RIMS2: variants seen among roughly 807,000 people sequenced by gnomAD.
The protein encoded by RIMS2 is regulating synaptic membrane exocytosis protein 2.
Under a neutral mutation model 174.4 loss-of-function variants are expected in RIMS2, and 59 were observed. The observed-to-expected ratio is 0.34, with a 90% confidence interval of 0.27 to 0.42. The LOEUF (loss-of-function observed/expected upper bound fraction) is 0.42, where lower values mean the gene tolerates loss of function less well. RIMS2 is among the 10% of genes least tolerant of loss of function. The pLI is 1.00. For missense variants in RIMS2, 1,620 were observed against 1,666.3 expected, an observed-to-expected ratio of 0.97 and a Z score of 0.48; for synonymous variants, 606 against 572.5, an observed-to-expected ratio of 1.06 and a Z score of -0.84.
chr8:103,642,880 T>C (rs1362025639), intron 1 of RIMS2, among the ~76,000 whole-genome samples: 1 of 152,068 alleles, frequency 6.6e-6, no homozygotes, highest in East Asian at 1.9e-4. Context: ...TAGTATATTC[T>C]TATTTGAAAC....
intron 19 of RIMS2, among the ~76,000 whole-genome samples, chr8:104,131,780 A>C (rs2132999125): frequency 6.6e-6 from 1 of 152,286 alleles, no homozygotes; most frequent in Non-Finnish European, 1.5e-5. Flanking sequence ...ATGGCAACTA[A>C]ATCTGACCAA....
intron 3 of RIMS2, among the ~76,000 whole-genome samples, chr8:103,881,453 T>A (rs1401860945): frequency 6.6e-6 from 1 of 151,512 alleles, no homozygotes; most frequent in African/African-American, 2.4e-5. Context: ...AAAAACATGA[T>A]GAATTAATTT....
chr8:104,208,829 G>A (rs1352413252), intron 19 of RIMS2, among the ~76,000 whole-genome samples: 4 of 152,148 alleles, frequency 2.6e-5, no homozygotes, highest in Admixed American at 6.5e-5. Context: ...GAGCCACCAC[G>A]CCCAGCCTGA....
intron 2 of RIMS2, among the ~76,000 whole-genome samples, chr8:103,719,301 T>G (rs1034676869): frequency 2.0e-5 from 3 of 152,180 alleles, no homozygotes; most frequent in African/African-American, 7.2e-5. Flanking sequence ...CCAAATTTGT[T>G]TCTGTCACCG....
At chr8:103,606,972 CTT>C (rs922463013) in intron 1 of RIMS2, among the ~76,000 whole-genome samples, 136 of 152,066 alleles carry the variant, frequency 8.9e-4, no homozygotes, top group African/African-American at 3.1e-3. Context: ...CAGTCTGTGT[CTT>C]TTAATTGGAG....
chr8:103,783,225 C>G (rs2098408024), intron 3 of RIMS2, among the ~76,000 whole-genome samples: 1 of 151,824 alleles, frequency 6.6e-6, no homozygotes, highest in South Asian at 2.1e-4. Flanking sequence ...TGTTCCCTAC[C>G]AGGTGGCCTT....
At chr8:104,248,891 T>TC in intron 21 of RIMS2, 78 bp downstream of exon 27, 1 of 626,516 alleles carries the variant, frequency 1.6e-6, no homozygotes, top group Non-Finnish European at 2.8e-6. Context: ...TCATAGAATC[T>TC]TCTCTCTCTC....
intron 19 of RIMS2, among the ~76,000 whole-genome samples, chr8:104,161,267 G>T (rs1049048899): frequency 6.6e-6 from 1 of 152,150 alleles, no homozygotes; most frequent in South Asian, 2.1e-4. Context: ...GAACCTTGAA[G>T]TATGGATAAT....
rs146624119 is a variant in RIMS2 at position 103,514,806 on chromosome 8, G to T, written c.176+13744G>T. Among the ~76,000 whole-genome samples the T allele has an allele frequency of 6.4e-3, 973 of 152,024 alleles. 10 individuals are homozygous for T. Among genetic ancestry groups the T allele is most frequent in the African/African-American group, 0.022 (903 of 41,460 alleles). The stretch of plus-strand genomic sequence containing the variant: ...CCAGCTACTTGGAAGGCTGAGGCAG[G>T]ATAATTGCTTGAACCCGGGAGGTGG... On this transcript the variant is annotated intron_variant, in intron 1 of 23. Transcript: ENST00000504942.
At chr8:104,069,245 A>C (rs2154561407) in intron 19 of RIMS2, among the ~76,000 whole-genome samples, 1 of 152,320 alleles carries the variant, frequency 6.6e-6, no homozygotes, top group South Asian at 2.1e-4. Context: ...GGCTAAGCTA[A>C]GCTGTGATGT....
chr8:104,211,008 G>A (rs949985598), intron 19 of RIMS2, among the ~76,000 whole-genome samples: 3 of 152,128 alleles, frequency 2.0e-5, no homozygotes, highest in Non-Finnish European at 2.9e-5. Flanking sequence ...TGGACATTGT[G>A]CTACTTCAGC....
intron 9 of RIMS2, among the ~76,000 whole-genome samples, chr8:103,919,568 T>C (rs537459646): frequency 1.3e-5 from 2 of 151,936 alleles, no homozygotes; most frequent in South Asian, 4.2e-4. Flanking sequence ...GTGAGAAGGC[T>C]AATCTAGTGG....
Position 104,022,006 on chromosome 8 carries a change from C to T in RIMS2, c.3334+7391C>T, listed in dbSNP as rs555910216. On this transcript the variant is annotated intron_variant, in intron 19 of 23. Transcript: ENST00000504942. ...GGGGGCCACAGGATGTGGATTCAGT[C>T]ATCAGTCGCAGGTCTGGATGGAATC... 2.6e-5 allele frequency among the ~76,000 whole-genome samples: 4 copies of T among 152,248 alleles called. No homozygotes were observed. In the South Asian group the frequency reaches 8.3e-4, roughly 32 times the overall value.
At chr8:104,059,581 C>T (rs1176081858) in intron 19 of RIMS2, among the ~76,000 whole-genome samples, 1 of 139,776 alleles carries the variant, frequency 7.2e-6, no homozygotes, top group Non-Finnish European at 1.5e-5. Context: ...TGCCTAATTG[C>T]CCTGGCCAGA....
At chr8:103,707,723 A>G (rs574524001) in intron 2 of RIMS2, among the ~76,000 whole-genome samples, 1 of 152,302 alleles carries the variant, frequency 6.6e-6, no homozygotes, top group South Asian at 2.1e-4. Context: ...GGCGTCTCAA[A>G]TCAGCACAGT....
chr8:104,073,683 A>C (rs965982092), intron 19 of RIMS2, among the ~76,000 whole-genome samples: 4 of 152,220 alleles, frequency 2.6e-5, no homozygotes, highest in Non-Finnish European at 5.9e-5. Context: ...GGGTTAGAAC[A>C]GAGGACAATG....
chr8:103,752,659 A>G (rs1289267611), intron 2 of RIMS2, among the ~76,000 whole-genome samples: 1 of 152,146 alleles, frequency 6.6e-6, no homozygotes, highest in African/African-American at 2.4e-5. Context: ...GTCCCTTGTA[A>G]GGTGGATTCC....
At chr8:104,073,299 A>G (rs549196552) in intron 19 of RIMS2, among the ~76,000 whole-genome samples, 61 of 152,318 alleles carry the variant, frequency 4.0e-4, no homozygotes, top group Middle Eastern at 3.4e-3. Context: ...TAAATTTGCC[A>G]TATTTAATAT....
intron 2 of RIMS2, among the ~76,000 whole-genome samples, chr8:103,735,053 C>T (rs1401132770): frequency 1.3e-5 from 2 of 152,152 alleles, no homozygotes; most frequent in South Asian, 2.1e-4. Flanking sequence ...CACTGCTACA[C>T]CAACCCACAC....
Sources: allele counts gnomAD v4.1 joint callset (sites outside exome capture counted in the v4.1 genomes callset), GRCh38; gene constraint gnomAD v4.1.1; transcripts MANE v1.5; gene names NCBI Gene and HGNC (gene_info 2026-07-23, HGNC 2026-07-21).